The following WTIP variants were observed in gnomAD, a reference collection of about 807,000 sequenced individuals.
WTIP encodes WT1 interacting protein.
WTIP carries 23 observed loss-of-function variants against 41.7 expected under a neutral mutation model. The observed-to-expected ratio is 0.55, with a 90% CI of 0.40 to 0.78. The LOEUF (loss-of-function observed/expected upper bound fraction) is 0.78. WTIP is among the 30% of genes least tolerant of loss of function. The pLI, the probability that WTIP is intolerant of heterozygous loss-of-function variation, is 0.00. For synonymous variants in WTIP, 314 were observed against 269.9 expected (o/e 1.16, Z -1.60); for missense variants, 619 against 610.5 (o/e 1.01, Z -0.15).
At chr19:34,482,668 C>G (rs1046599389) in intron 1 of WTIP, 27 bp downstream of exon 1, 2 of 1,225,446 alleles carry the variant, frequency 1.6e-6, no homozygotes, top group Non-Finnish European at 2.0e-6. Flanking sequence ...CGGCAGTTCC[C>G]TGCGCGCATG....
At chr19:34,489,197 T>TAAAAAA (rs57433723) in intron 1 of WTIP, among the ~76,000 whole-genome samples, 6 of 61,958 alleles carry the variant, frequency 9.7e-5, no homozygotes, top group African/African-American at 1.5e-4. Flanking sequence ...AGACTCTATC[T>TAAAAAA]AAAAAAAAAA....
intron 1 of WTIP, 178 bp downstream of exon 1, chr19:34,482,819 T>G (rs947697565): frequency 3.1e-6 from 3 of 977,916 alleles, no homozygotes; most frequent in Non-Finnish European, 3.6e-6. Flanking sequence ...GCGCAAAGGG[T>G]GAGTGAGTGC....
chr19:34,489,283 C>T (rs924088399), intron 1 of WTIP, among the ~76,000 whole-genome samples: 27 of 150,778 alleles, frequency 1.8e-4, no homozygotes, highest in Admixed American at 4.6e-4. Flanking sequence ...TGTTCTCTGC[C>T]ACCTTCCACT....
chr19:34,487,991 T>C (rs2075806202), intron 1 of WTIP, among the ~76,000 whole-genome samples: 1 of 152,210 alleles, frequency 6.6e-6, no homozygotes, highest in African/African-American at 2.4e-5. Context: ...CCCCGCTGCA[T>C]GCTGAGTACA....
rs1180883634 is a variant in WTIP, at chr19:34,493,187, G to A, written c.838-76G>A. On this transcript the variant is annotated intron_variant, in intron 3 of 7. Coordinates refer to ENST00000590071, the MANE Select transcript of WTIP (RefSeq NM_001080436.2). The surrounding 1 kb of genome is among the most constrained non-coding windows in gnomAD (Gnocchi z 4.1). ...ATTCTGACTCGAGTGGAGACCTGAG[G>A]CCAGGAGGCAGGTGCTAGCTGGGCC... 3 of 1,612,488 alleles carry A rather than the reference G, an allele frequency of 1.9e-6. No homozygotes were observed. In the East Asian group the frequency reaches 6.7e-5, roughly 36 times the overall value.
chr19:34,498,725 C>T (rs2075868660), intron 7 of WTIP: 2 of 149,654 alleles, frequency 1.3e-5, no homozygotes, highest in African/African-American at 5.0e-5. Context: ...ACGGTGAAAC[C>T]CCGTCTCTGC....
At position 34,506,043 on chromosome 19, in the gene WTIP, C is replaced by G. The variant is rs1281484689; in HGVS notation, c.*5774C>G. On this transcript the variant is annotated 3_prime_UTR_variant, in exon 8 of 8. Transcript: ENST00000590071. ...TTGGGGCTGGGAGTCCCAGCCCGTC[C>G]CTGGACCAGCCCTGCCATCAGCTTG... The G allele has an allele frequency of 1.3e-5, 2 of 152,332 alleles. No homozygotes were observed. Among genetic ancestry groups the G allele is most frequent in the African/African-American group, 2.4e-5 (1 of 41,448 alleles). The allele number at this position is 152,332 out of a possible 1,614,324, so 9.4% of individuals were successfully genotyped here.
chr19:34,484,406 C>T (rs909220221), intron 1 of WTIP, among the ~76,000 whole-genome samples: 3 of 152,010 alleles, frequency 2.0e-5, no homozygotes, highest in African/African-American at 7.2e-5. Flanking sequence ...AGAGGAGGTG[C>T]GCCTGCTTTG....
rs1267424936 is a variant in WTIP at position 34,512,256 on chromosome 19, C to G, written c.*11987C>G. On this transcript the variant is annotated 3_prime_UTR_variant, in exon 8 of 8. Coordinates refer to ENST00000590071, the MANE Select transcript of WTIP (RefSeq NM_001080436.2). The stretch of plus-strand genomic sequence containing the variant: ...GGCTGTTGGCATCATGAGGACCCCA[C>G]GTATTGTACTTTGATAAAGTTAATA... 6.6e-6 allele frequency: 1 copy of G among 152,170 alleles called. No individual in the cohort carries two copies. The highest frequency in any genetic ancestry group is 2.4e-5 in the African/African-American group (1 of 41,422). The allele number at this position is 152,170 out of a possible 1,614,324, so 9.4% of individuals were successfully genotyped here. A position where few individuals can be genotyped will look rare whatever the true frequency, so the allele number is the denominator to read the frequency against.
Position 34,500,450 on chromosome 19 carries a change from T to G in WTIP, c.*181T>G, listed in dbSNP as rs1432647143. 1.5e-5 allele frequency: 13 copies of G among 883,818 alleles called. No homozygotes were observed. The East Asian group carries it at 3.7e-4, about 25-fold the overall frequency. 54.7% of individuals were successfully genotyped at this position (883,818 alleles called of 1,614,324 possible). A position where few individuals can be genotyped will look rare whatever the true frequency, so the allele number is the denominator to read the frequency against. On this transcript the variant is annotated 3_prime_UTR_variant, in exon 8 of 8. Transcript: ENST00000590071. ...TATTCACCGTCTGTGCCTGCTCAAG[T>G]CACTTCCCTGCGGGCCCTGCCTCCC...
In WTIP at chr19:34,493,362, C is replaced by T. The variant is rs765591248; in HGVS notation, c.900+37C>T. On this transcript the variant is annotated intron_variant, in intron 4 of 7. Transcript: ENST00000590071. The surrounding 1 kb of genome is among the most constrained non-coding windows in gnomAD (Gnocchi z 4.1). ...CCCCAGCCTCCTGGAGCCCCTCTGA[C>T]GTGGGTGGAGTCTGAGGACTCTACC... 2.6e-5 allele frequency: 42 copies of T among 1,603,552 alleles called. No individual in the cohort carries two copies. Among genetic ancestry groups the T allele is most frequent in the East Asian group, 6.8e-5 (3 of 44,364 alleles).
Position 34,502,731 on chromosome 19 carries a change from A to G in WTIP, c.*2462A>G, listed in dbSNP as rs544206562. ...CACTGTGCCTGGCCTTACTTTTTGT[A>G]TTTTTAGTTGAGAGGGGGTTTCAGC... is the stretch of plus-strand genomic sequence containing the variant. On this transcript the variant is annotated 3_prime_UTR_variant, in exon 8 of 8. Coordinates refer to ENST00000590071, the MANE Select transcript of WTIP (RefSeq NM_001080436.2). 6.6e-5 allele frequency: 10 copies of G among 151,544 alleles called. No individual in the cohort carries two copies. The East Asian group carries it at 1.9e-3, about 30-fold the overall frequency. 9.4% of individuals were successfully genotyped at this position (151,544 alleles called of 1,614,324 possible).
intron 1 of WTIP, among the ~76,000 whole-genome samples, chr19:34,490,158 G>A (rs537586001): frequency 2.0e-5 from 3 of 152,178 alleles, no homozygotes; most frequent in Non-Finnish European, 2.9e-5. Context: ...CTGGGTGCTC[G>A]GCCAAGCCCT....
intron 1 of WTIP, among the ~76,000 whole-genome samples, chr19:34,488,491 G>T (rs1019344529): frequency 1.3e-5 from 2 of 151,990 alleles, no homozygotes; most frequent in Non-Finnish European, 2.9e-5. Flanking sequence ...TCAGACTCCT[G>T]AGTAACTGGG....
At chr19:34,496,089 A>G (rs1031933623) in intron 7 of WTIP, among the ~76,000 whole-genome samples, 10 of 152,264 alleles carry the variant, frequency 6.6e-5, no homozygotes, top group Admixed American at 3.9e-4. Flanking sequence ...CCTGGGAGGC[A>G]GAGGTTGCAG....
Position 34,483,299 on chromosome 19 carries a change from C to G in WTIP, c.667+658C>G, listed in dbSNP as rs143521895. Among the ~76,000 whole-genome samples, 458 of 151,182 alleles carry G rather than the reference C, an allele frequency of 3.0e-3. 7 individuals are homozygous for G. The highest frequency in any genetic ancestry group is 0.011 in the African/African-American group (433 of 41,190). On this transcript the variant is annotated intron_variant, in intron 1 of 7. Transcript: ENST00000590071. The stretch of plus-strand genomic sequence containing the variant: ...TCGGCCTCCCAAGGTGCTAGGATTA[C>G]AGGCTTGAGCCAGTGCGCCCGGCCT...
At position 34,503,667 on chromosome 19, in the gene WTIP, C is replaced by G. The variant is rs2075898807; in HGVS notation, c.*3398C>G. The G allele has an allele frequency of 6.5e-6, 1 of 152,920 alleles. No individual in the cohort carries two copies. The highest frequency in any genetic ancestry group is 1.5e-5 in the Non-Finnish European group (1 of 68,616). 9.5% of individuals were successfully genotyped at this position (152,920 alleles called of 1,614,324 possible). ...CTGAGTGGCAAGTCTCCTGCCATCC[C>G]TGTCCCCGCTATGCGGTGAGCTCTT... On this transcript the variant is annotated 3_prime_UTR_variant, in exon 8 of 8. Transcript: ENST00000590071.
chr19:34,498,793 G>C (rs981501418), intron 7 of WTIP, among the ~76,000 whole-genome samples: 1 of 152,090 alleles, frequency 6.6e-6, no homozygotes, highest in African/African-American at 2.4e-5. Context: ...CCAGCTACTC[G>C]GGAGGCTGAG....
Position 34,507,384 on chromosome 19 carries a change from T to A in WTIP, c.*7115T>A, listed in dbSNP as rs1275587358. ...CAGTTGTCTTAAGATGAATGGCTCA[T>A]ATTTGGGTGCAGTATTTGATGCCCA... On this transcript the variant is annotated 3_prime_UTR_variant, in exon 8 of 8. Coordinates refer to ENST00000590071, the MANE Select transcript of WTIP (RefSeq NM_001080436.2). The A allele has an allele frequency of 6.6e-6, 1 of 150,546 alleles. No homozygotes were observed. Among genetic ancestry groups the A allele is most frequent in the Non-Finnish European group, 1.5e-5 (1 of 67,804 alleles). The allele number at this position is 150,546 out of a possible 1,614,324, so 9.3% of individuals were successfully genotyped here.
Sources: allele counts gnomAD v4.1 joint callset (sites outside exome capture counted in the v4.1 genomes callset), GRCh38; gene constraint gnomAD v4.1.1; non-coding constraint Gnocchi (gnomAD v3.1); transcripts MANE v1.5; gene names NCBI Gene and HGNC (gene_info 2026-07-23, HGNC 2026-07-21).